The following ZNF536 variants were observed in gnomAD, a reference collection of about 807,000 sequenced individuals.
The protein encoded by ZNF536 is zinc finger protein 536.
A neutral mutation model predicts 84.5 loss-of-function variants in ZNF536; 13 were observed. That is an observed-to-expected ratio of 0.15 (90% CI 0.10 to 0.24). The LOEUF is 0.24. Ranked by LOEUF, ZNF536 falls within the 10% of genes least tolerant of loss-of-function variation. The probability of loss-of-function intolerance (pLI) is 1.00; values close to 1 mark genes in which losing one functional copy is unlikely to be tolerated. For synonymous variants in ZNF536, 811 were observed against 742.5 expected (o/e 1.09, Z -1.50); for missense variants, 1,536 against 1,747.5 (o/e 0.88, Z 2.16).
At chr19:30,426,364 A>G (rs1398571824) in intron 1 of ZNF536, among the ~76,000 whole-genome samples, 1 of 152,188 alleles carries the variant, frequency 6.6e-6, no homozygotes, top group Non-Finnish European at 1.5e-5. Flanking sequence ...ATGTAATTTG[A>G]TGCAAATCAA....
chr19:30,450,644 T>C (rs1182757884), intron 2 of ZNF536, among the ~76,000 whole-genome samples: 1 of 152,200 alleles, frequency 6.6e-6, no homozygotes, highest in Non-Finnish European at 1.5e-5. Context: ...TTCATTGTTA[T>C]ATATTTAAAA....
At chr19:30,637,166 C>T (rs934009161) in intron 1 of ZNF536, among the ~76,000 whole-genome samples, 17 of 152,202 alleles carry the variant, frequency 1.1e-4, no homozygotes, top group African/African-American at 3.9e-4. Flanking sequence ...TCCATACTGA[C>T]CCACATCTGG....
At chr19:30,559,202 G>C (rs2038730230), downstream of ZNF536, among the ~76,000 whole-genome samples, 1 of 152,218 alleles carries the variant, frequency 6.6e-6, no homozygotes, top group African/African-American at 2.4e-5. Flanking sequence ...CTGGTGGTCA[G>C]TGCCCACGAC....
chr19:30,592,341 T>C (rs2047305202), intron 1 of ZNF536, among the ~76,000 whole-genome samples: 1 of 152,188 alleles, frequency 6.6e-6, no homozygotes, highest in African/African-American at 2.4e-5. Context: ...GGATTTTTTT[T>C]CCATTTTTCC....
At chr19:30,544,372 C>T (rs1424495580) in intron 3 of ZNF536, among the ~76,000 whole-genome samples, 3 of 152,190 alleles carry the variant, frequency 2.0e-5, no homozygotes, top group Non-Finnish European at 4.4e-5. Context: ...CCCTAATTCA[C>T]CAGGCCTGGG....
Position 30,548,357 on chromosome 19 carries a change from A to G in ZNF536, c.2738A>G (p.Asn913Ser). Residue 913 changes from asparagine to serine, a missense_variant, in exon 4 of 5, where the codon AAT becomes AGT. Around this residue, in one of 8 missense-constraint regions of ZNF536, gnomAD observed 624 missense variants for 603.1 expected, o/e 1.03. Coordinates refer to ENST00000355537, the MANE Select transcript of ZNF536 (RefSeq NM_014717.3). ...CAAAGCATTGTGAGCAACGGTGTGAATTTCCAAGGGTCCTTGCAAGCTTTC... is the reference window on the plus strand; with the variant it reads ...CAAAGCATTGTGAGCAACGGTGTGAGTTTCCAAGGGTCCTTGCAAGCTTTC... ...AYQSIVSNGV[N>S]FQGSLQAFMD... is the part of the protein sequence containing the mutation. 2 of 1,613,976 alleles carry G rather than the reference A, an allele frequency of 1.2e-6. No homozygotes were observed. Among genetic ancestry groups the G allele is most frequent in the Non-Finnish European group, 1.7e-6 (2 of 1,179,978 alleles).
At chr19:30,662,564 A>T (rs2050159913) in intron 1 of ZNF536, among the ~76,000 whole-genome samples, 1 of 148,716 alleles carries the variant, frequency 6.7e-6, no homozygotes, top group African/African-American at 2.5e-5. Context: ...TTGTTTTTTG[A>T]TTTTTTTTTT....
intron 1 of ZNF536, among the ~76,000 whole-genome samples, chr19:30,379,660 G>T (rs1298379093): frequency 6.6e-6 from 1 of 151,494 alleles, no homozygotes; most frequent in African/African-American, 2.4e-5. Flanking sequence ...TGGGTATGCG[G>T]TGGGAGGTGG....
In ZNF536 at chr19:30,647,586, A is replaced by C. The variant is rs182281038; in HGVS notation, c.170-63171A>C. On this transcript the variant is annotated intron_variant, in intron 1 of 1. Transcript: ENST00000592773. ...CTGCTTTCGTCTTCCCTTTATGGAC[A>C]TGAAAGCAAATAATTTATTTTTCAT... Among the ~76,000 whole-genome samples, 9 of 152,350 alleles carry C rather than the reference A, an allele frequency of 5.9e-5. No homozygotes were observed. The East Asian group carries it at 1.3e-3, about 23-fold the overall frequency.
At chr19:30,311,305 A>G (rs2046495992) in intron 2 of ZNF536, among the ~76,000 whole-genome samples, 1 of 152,224 alleles carries the variant, frequency 6.6e-6, no homozygotes, top group Non-Finnish European at 1.5e-5. Flanking sequence ...CCAAAAAGGC[A>G]GGTGCCCTTT....
intron 3 of ZNF536, among the ~76,000 whole-genome samples, chr19:30,547,214 ATT>A (rs2045591077): frequency 6.6e-6 from 1 of 151,904 alleles, no homozygotes; most frequent in African/African-American, 2.4e-5. Context: ...TTTATTACTC[ATT>A]TTCTTTTAAG....
At chr19:30,675,164 A>T (rs564550186) in intron 1 of ZNF536, among the ~76,000 whole-genome samples, 1 of 152,300 alleles carries the variant, frequency 6.6e-6, no homozygotes, top group African/African-American at 2.4e-5. Context: ...CGCACCTCTA[A>T]GGAACTGGAT....
chr19:30,421,243 G>A (rs186589578), intron 1 of ZNF536, among the ~76,000 whole-genome samples: 11 of 152,282 alleles, frequency 7.2e-5, no homozygotes, highest in African/African-American at 2.2e-4. Flanking sequence ...AACTCCATCG[G>A]TTCCCATTTA....
intron 1 of ZNF536, among the ~76,000 whole-genome samples, chr19:30,232,684 T>C (rs1470277284): frequency 6.6e-6 from 1 of 152,192 alleles, no homozygotes; most frequent in Non-Finnish European, 1.5e-5. Flanking sequence ...CTGAGCTTGC[T>C]CGAGGTGGGG....
chr19:30,277,827 C>T (rs1232607308), intron 1 of ZNF536, among the ~76,000 whole-genome samples: 2 of 152,174 alleles, frequency 1.3e-5, no homozygotes, highest in Non-Finnish European at 2.9e-5. Flanking sequence ...TTGTGGCTGT[C>T]GAATAACAGC....
chr19:30,267,438 AG>A, intron 1 of ZNF536, among the ~76,000 whole-genome samples: 1 of 152,226 alleles, frequency 6.6e-6, no homozygotes, highest in Non-Finnish European at 1.5e-5. Flanking sequence ...AAAGAAAAGG[AG>A]GGGGACTCTT....
At chr19:30,384,748 C>T (rs901712572) in intron 1 of ZNF536, among the ~76,000 whole-genome samples, 1 of 152,098 alleles carries the variant, frequency 6.6e-6, no homozygotes, top group African/African-American at 2.4e-5. Flanking sequence ...TGTGTTCAGC[C>T]AGGCATGGTG....
At chr19:30,690,975 C>A (rs910603219) in intron 1 of ZNF536, among the ~76,000 whole-genome samples, 17 of 152,104 alleles carry the variant, frequency 1.1e-4, no homozygotes, top group Admixed American at 1.0e-3. Context: ...ACTGAAGATA[C>A]CGGCTAACTA....
At chr19:30,656,961 C>T (rs10418710) in intron 1 of ZNF536, among the ~76,000 whole-genome samples, 46,895 of 152,112 alleles carry the variant, frequency 0.31, 9,856 homozygotes, top group African/African-American at 0.6. Flanking sequence ...AGCCTCCTCC[C>T]GGAGTTAATT....
Sources: gnomAD v4.1 joint callset for allele counts (sites outside exome capture counted in the v4.1 genomes callset) on GRCh38, gnomAD v4.1.1 for gene constraint, gnomAD v4.1.1 regional missense constraint, MANE v1.5 for transcripts, NCBI Gene and HGNC (gene_info 2026-07-23, HGNC 2026-07-21) for gene names.